The following PHF20 variants were observed in gnomAD, a reference collection of about 807,000 sequenced individuals.
PHF20 encodes the protein PHD finger protein 20, also known as glioma-expressed antigen 2.
A neutral mutation model predicts 113.5 loss-of-function variants in PHF20; 23 were observed. The observed-to-expected ratio is 0.20, with a 90% CI of 0.15 to 0.29. PHF20 has a LOEUF of 0.29. Ranked by LOEUF, PHF20 falls within the 10% of genes least tolerant of loss-of-function variation. The pLI, the probability that PHF20 is intolerant of heterozygous loss-of-function variation, is 1.00. For missense variants in PHF20, 943 were observed against 1,219.6 expected, an observed-to-expected ratio of 0.77 and a Z score of 3.38; for synonymous variants, 434 against 457.3, an observed-to-expected ratio of 0.95 and a Z score of 0.65.
intron 4 of PHF20, among the ~76,000 whole-genome samples, chr20:35,852,914 CTT>C (rs780852616): frequency 1.4e-5 from 2 of 141,930 alleles, no homozygotes; most frequent in African/African-American, 2.6e-5. Context: ...TCTTTTTTTC[CTT>C]TTTTTTTTTT....
At chr20:35,849,194 G>T (rs1487145036) in intron 4 of PHF20, among the ~76,000 whole-genome samples, 1 of 152,078 alleles carries the variant, frequency 6.6e-6, no homozygotes, top group Non-Finnish European at 1.5e-5. Context: ...GGCAGGCTGG[G>T]TAGTACTATT....
chr20:35,845,201 T>G (rs1436033181), intron 3 of PHF20, among the ~76,000 whole-genome samples: 1 of 149,078 alleles, frequency 6.7e-6, no homozygotes, highest in Non-Finnish European at 1.5e-5. Context: ...ATTTATGGTG[T>G]TTTTTTTTTC....
In PHF20 at chr20:35,881,048, C is replaced by CTTTTTTTTTT. The variant is rs773060725; in HGVS notation, c.1282+9232_1282+9241dup. Among the ~76,000 whole-genome samples, 125 of 109,746 alleles carry CTTTTTTTTTT rather than the reference C, an allele frequency of 1.1e-3. 5 individuals are homozygous for CTTTTTTTTTT. Among genetic ancestry groups the CTTTTTTTTTT allele is most frequent in the African/African-American group, 2.5e-3 (63 of 25,338 alleles). The allele number at this position is 109,746 out of a possible 152,430, so 72.0% of individuals were successfully genotyped here. On this transcript the variant is annotated intron_variant, in intron 9 of 17. Coordinates refer to ENST00000374012, the MANE Select transcript of PHF20 (RefSeq NM_016436.5). ...GTTCCAGACCTTTATCTCTAAATAC[C>CTTTTTTTTTT]TTTTTTTTTTTTTTTTTTTTTTCTG...
intron 4 of PHF20, among the ~76,000 whole-genome samples, chr20:35,847,843 C>A (rs2042650589): frequency 6.6e-6 from 1 of 152,142 alleles, no homozygotes; most frequent in African/African-American, 2.4e-5. Flanking sequence ...TGAGGGTGGT[C>A]TGTAACATTG....
chr20:35,910,271 G>A (rs976110469), intron 10 of PHF20, among the ~76,000 whole-genome samples: 4 of 152,136 alleles, frequency 2.6e-5, no homozygotes, highest in Admixed American at 2.0e-4. Context: ...CTTAGGGGAG[G>A]GGAAATGCTG....
At chr20:35,864,609 C>T (rs567010215) in intron 6 of PHF20, among the ~76,000 whole-genome samples, 1 of 152,226 alleles carries the variant, frequency 6.6e-6, no homozygotes, top group East Asian at 1.9e-4. Flanking sequence ...TGTATTAGTA[C>T]TCATTGTAAG....
intron 2 of PHF20, among the ~76,000 whole-genome samples, chr20:35,813,085 C>T (rs898793728): frequency 7.2e-5 from 11 of 152,176 alleles, no homozygotes; most frequent in African/African-American, 9.6e-5. Flanking sequence ...TCTCCTGCCT[C>T]GGCCTCCCGA....
At chr20:35,923,067 A>G (rs758769649) in intron 13 of PHF20, among the ~76,000 whole-genome samples, 3 of 152,190 alleles carry the variant, frequency 2.0e-5, no homozygotes, top group Admixed American at 6.5e-5. Flanking sequence ...GGGAGATGAG[A>G]TTGTACCACT....
At chr20:35,809,626 G>A (rs1754358441) in intron 2 of PHF20, among the ~76,000 whole-genome samples, 2 of 151,328 alleles carry the variant, frequency 1.3e-5, no homozygotes, top group Admixed American at 1.3e-4. Context: ...ACTCATGCCT[G>A]TAATCCCAGC....
chr20:35,799,737 G>A (rs1323207069), intron 1 of PHF20, among the ~76,000 whole-genome samples: 4 of 151,666 alleles, frequency 2.6e-5, no homozygotes, highest in Admixed American at 6.6e-5. Flanking sequence ...GCGTGATCTC[G>A]GCTCACTGCA....
chr20:35,913,340 C>A lies in PHF20; in HGVS notation c.1653C>A (p.Thr551=). 6.3e-7 allele frequency: 1 copy of A among 1,589,542 alleles called. No individual in the cohort carries two copies. Among genetic ancestry groups the A allele is most frequent in the South Asian group, 1.1e-5 (1 of 87,370 alleles). ...AGAAAAAGAAAAAGAAAAAGAAAAC[C>A]AAACCTGGTAATTTTTTTTCCTGAG... ...PKKKKKKKKK[T]KPECPCSEEI... Residue 551 remains threonine, a synonymous_variant, in exon 11 of 18, where the codon ACC becomes ACA. Coordinates refer to ENST00000374012, the MANE Select transcript of PHF20 (RefSeq NM_016436.5).
chr20:35,941,410 T>G (rs2055977557), intron 17 of PHF20, among the ~76,000 whole-genome samples: 1 of 152,256 alleles, frequency 6.6e-6, no homozygotes, highest in Non-Finnish European at 1.5e-5. Context: ...TTAGGATATC[T>G]GAGGATTTAA....
At chr20:35,802,938 G>GAAAA (rs768194320) in intron 2 of PHF20, among the ~76,000 whole-genome samples, 1 of 69,176 alleles carries the variant, frequency 1.4e-5, no homozygotes, top group Non-Finnish European at 2.9e-5. Context: ...GACTCGGTCT[G>GAAAA]AAAAAAAAAA....
chr20:35,842,803 G>A, intron 3 of PHF20, 59 bp downstream of exon 3: 2 of 1,477,644 alleles, frequency 1.4e-6, no homozygotes, highest in Non-Finnish European at 1.9e-6. Context: ...GGCTGTTTGT[G>A]TTTCAATCTT....
At chr20:35,910,836 T>A (rs1298276307) in intron 10 of PHF20, among the ~76,000 whole-genome samples, 2 of 152,050 alleles carry the variant, frequency 1.3e-5, no homozygotes, top group African/African-American at 4.8e-5. Context: ...ATCGTATTGG[T>A]CATGCTGGTC....
At chr20:35,867,200 T>G (rs1161243206) in intron 6 of PHF20, among the ~76,000 whole-genome samples, 1 of 152,200 alleles carries the variant, frequency 6.6e-6, no homozygotes, top group Non-Finnish European at 1.5e-5. Flanking sequence ...GCACCCTAGA[T>G]TGTATAGACT....
chr20:35,811,529 G>T (rs1219427159), intron 2 of PHF20, among the ~76,000 whole-genome samples: 1 of 150,482 alleles, frequency 6.6e-6, no homozygotes, highest in East Asian at 2.0e-4. Context: ...TGCAACCTCT[G>T]CCTCCCTGGT....
intron 9 of PHF20, among the ~76,000 whole-genome samples, chr20:35,894,840 T>TA (rs1399262574): frequency 6.6e-6 from 1 of 152,150 alleles, no homozygotes; most frequent in African/African-American, 2.4e-5. Flanking sequence ...CCATTGTGTA[T>TA]ACACAAGAGT....
At chr20:35,867,560 C>G (rs962536587) in intron 6 of PHF20, among the ~76,000 whole-genome samples, 1 of 152,158 alleles carries the variant, frequency 6.6e-6, no homozygotes, top group Non-Finnish European at 1.5e-5. Context: ...CACACCCAGC[C>G]TGTTTGTATT....
Sources: allele counts gnomAD v4.1 joint callset (sites outside exome capture counted in the v4.1 genomes callset), GRCh38; gene constraint gnomAD v4.1.1; transcripts MANE v1.5; gene names NCBI Gene and HGNC (gene_info 2026-07-23, HGNC 2026-07-21).